DNAI1: variants seen among roughly 807,000 people sequenced by gnomAD.
DNAI1 encodes dynein, axonemal, intermediate polypeptide 1.
In DNAI1, 67 loss-of-function variants were observed where a neutral mutation model predicts 92.0. The ratio of observed to expected loss-of-function variants is 0.73; its 90% confidence interval spans 0.60 to 0.89. The LOEUF (loss-of-function observed/expected upper bound fraction) is 0.89. DNAI1 is among the 40% of genes least tolerant of loss of function. The pLI is 0.00. For synonymous variants in DNAI1, 323 were observed against 319.6 expected, an observed-to-expected ratio of 1.01 and a Z score of -0.11; for missense variants, 839 against 866.6, an observed-to-expected ratio of 0.97 and a Z score of 0.40.
chr9:34,473,964 G>A (rs994133357), intron 1 of DNAI1, among the ~76,000 whole-genome samples: 7 of 152,278 alleles, frequency 4.6e-5, no homozygotes, highest in Non-Finnish European at 7.4e-5. Context: ...CTGGACTCAA[G>A]CATTCCTCCT....
At chr9:34,470,830 ATAAGT>A in intron 1 of DNAI1, among the ~76,000 whole-genome samples, 1 of 152,332 alleles carries the variant, frequency 6.6e-6, no homozygotes, top group African/African-American at 2.4e-5. Context: ...GGGACATAAA[ATAAGT>A]TCAAATGCAT....
chr9:34,514,691 G>C lies in DNAI1; in HGVS notation c.1770G>C (p.Trp590Cys). ...DLNSAVGDVA[W>C]APYSSTVFAA... ...ACTCAGCCGTGGGTGATGTGGCCTG[G>C]GCGCCATACTCTTCTACTGTGTTCG... Residue 590 changes from tryptophan to cysteine, a missense_variant, in exon 18 of 20, where the codon TGG (tryptophan) becomes TGC (cysteine). Trp to Cys is a radical substitution (Grantham distance 215). Coordinates refer to ENST00000242317, the MANE Select transcript of DNAI1 (RefSeq NM_012144.4). 2 of 1,614,146 alleles carry C rather than the reference G, an allele frequency of 1.2e-6. No homozygotes were observed. The highest frequency in any genetic ancestry group is 1.3e-5 in the African/African-American group (1 of 75,044).
intron 19 of DNAI1, among the ~76,000 whole-genome samples, chr9:34,520,093 G>A (rs1404401584): frequency 6.6e-6 from 1 of 152,132 alleles, no homozygotes; most frequent in Non-Finnish European, 1.5e-5. Flanking sequence ...TGGGTCTCTT[G>A]ACACTCTTCC....
intron 1 of DNAI1, among the ~76,000 whole-genome samples, chr9:34,465,759 C>T (rs1023385221): frequency 2.6e-5 from 4 of 152,214 alleles, no homozygotes; most frequent in African/African-American, 9.7e-5. Flanking sequence ...AATGTTGACT[C>T]TCTGGCTCCA....
intron 9 of DNAI1, among the ~76,000 whole-genome samples, chr9:34,496,754 A>C (rs1402259087): frequency 1.3e-5 from 2 of 152,198 alleles, no homozygotes; most frequent in Non-Finnish European, 2.9e-5. Context: ...AGAAGGCTCC[A>C]ACCTGCCCTT....
chr9:34,475,031 C>G (rs1295868132), intron 1 of DNAI1, among the ~76,000 whole-genome samples: 1 of 152,186 alleles, frequency 6.6e-6, no homozygotes, highest in African/African-American at 2.4e-5. Flanking sequence ...GCATAGACCA[C>G]TATTCAAAGT....
intron 9 of DNAI1, among the ~76,000 whole-genome samples, chr9:34,494,189 C>G (rs1824670506): frequency 6.6e-6 from 1 of 152,076 alleles, no homozygotes. Flanking sequence ...TGGTTCTGCT[C>G]CACTCCAGAA....
At chr9:34,506,929 C>T (rs1824946652) in intron 13 of DNAI1, 55 bp downstream of exon 13, 2 of 1,591,584 alleles carry the variant, frequency 1.3e-6, no homozygotes, top group Non-Finnish European at 1.7e-6. Context: ...GGCCTGGAGC[C>T]ACTGGAGGAG....
intron 1 of DNAI1, among the ~76,000 whole-genome samples, chr9:34,463,262 A>C (rs1823981912): frequency 6.6e-6 from 1 of 152,178 alleles, no homozygotes; most frequent in Non-Finnish European, 1.5e-5. Flanking sequence ...CTGGATCAGC[A>C]AGGAAGGGAG....
rs150285352 is a variant in DNAI1 at position 34,463,398 on chromosome 9, A to G, written c.48+4345A>G. 1.6e-3 allele frequency among the ~76,000 whole-genome samples: 237 copies of G among 152,350 alleles called. 1 individual carries two copies. The highest frequency in any genetic ancestry group is 5.5e-3 in the African/African-American group (228 of 41,578). On this transcript the variant is annotated intron_variant, in intron 1 of 19. Transcript: ENST00000242317. The stretch of plus-strand genomic sequence containing the variant: ...CCATAAATCATAATTTGTAATTAAA[A>G]TGCTTGAATGTCAGGAACCATAAAC...
At chr9:34,515,422 T>C (rs1317101539) in intron 18 of DNAI1, among the ~76,000 whole-genome samples, 2 of 152,214 alleles carry the variant, frequency 1.3e-5, no homozygotes, top group East Asian at 3.8e-4. Flanking sequence ...GTGGCTTAGA[T>C]ACCTGCTCTT....
At chr9:34,483,010 C>T (rs1055717055) in intron 1 of DNAI1, among the ~76,000 whole-genome samples, 1 of 152,224 alleles carries the variant, frequency 6.6e-6, no homozygotes, top group African/African-American at 2.4e-5. Context: ...GGCCCGGGTG[C>T]TAAGTCCCCC....
intron 2 of DNAI1, chr9:34,484,936 G>T: frequency 1.8e-6 from 1 of 548,908 alleles, no homozygotes; most frequent in Non-Finnish European, 3.3e-6. Flanking sequence ...CCCCAGGGCA[G>T]AGGTGGCCAG....
intron 1 of DNAI1, among the ~76,000 whole-genome samples, chr9:34,461,687 GGGAA>G (rs1334372410): frequency 6.6e-6 from 1 of 152,224 alleles, no homozygotes; most frequent in Non-Finnish European, 1.5e-5. Context: ...GCCCCATGGA[GGGAA>G]GGGTTGTTTT....
chr9:34,506,797 A>G lies in DNAI1; in HGVS notation c.1234A>G (p.Asn412Asp), dbSNP rs369993660. The G allele has an allele frequency of 7.4e-6, 12 of 1,614,016 alleles. No homozygotes were observed. The African/African-American group carries it at 1.2e-4, about 16-fold the overall frequency. ...CTATGACGGCAACGTGGCCATTTAC[A>G]ACCTCAAGAAGCCCCACTCCCAGCC... ...GHYDGNVAIY[N>D]LKKPHSQPSF... Residue 412 changes from asparagine (N) to aspartate (D), a missense_variant, in exon 13 of 20, where the codon AAC becomes GAC. Asn to Asp is a conservative substitution (Grantham distance 23, BLOSUM62 1). Coordinates refer to ENST00000242317, the MANE Select transcript of DNAI1 (RefSeq NM_012144.4).
At chr9:34,517,724 T>C (rs1484532854) in intron 19 of DNAI1, among the ~76,000 whole-genome samples, 4 of 152,234 alleles carry the variant, frequency 2.6e-5, no homozygotes, top group Admixed American at 6.5e-5. Flanking sequence ...CAGGTGGATC[T>C]GAAGCCTGCA....
Position 34,459,168 on chromosome 9 carries a change from C to T in DNAI1, c.48+115C>T, listed in dbSNP as rs1823889391. ...TTTTCTCTGTTGACCCCAGCCTTCT[C>T]ACCCCCGTGACCTCTGGTAAGTGCT... is the stretch of plus-strand genomic sequence containing the variant. On this transcript the variant is annotated intron_variant, in intron 1 of 19. Transcript: ENST00000242317. 3.9e-6 allele frequency: 4 copies of T among 1,031,288 alleles called. No homozygotes were observed. The South Asian group carries it at 5.3e-5, about 14-fold the overall frequency. 63.9% of individuals were successfully genotyped at this position (1,031,288 alleles called of 1,614,324 possible).
At chr9:34,480,768 AC>A (rs1824336765) in intron 1 of DNAI1, among the ~76,000 whole-genome samples, 1 of 150,026 alleles carries the variant, frequency 6.7e-6, no homozygotes, top group African/African-American at 2.5e-5. Flanking sequence ...ACATGGTGAA[AC>A]CCTGTCTCTA....
At chr9:34,482,531 A>C (rs1824380808) in intron 1 of DNAI1, among the ~76,000 whole-genome samples, 2 of 149,874 alleles carry the variant, frequency 1.3e-5, no homozygotes, top group Admixed American at 1.3e-4. Flanking sequence ...CTTGAGCTAG[A>C]CATAAAGACT....
Sources: gnomAD v4.1 joint callset for allele counts (sites outside exome capture counted in the v4.1 genomes callset) on GRCh38, gnomAD v4.1.1 for gene constraint, MANE v1.5 for transcripts, NCBI Gene and HGNC (gene_info 2026-07-23, HGNC 2026-07-21) for gene names.